Variants in VTI1A observed in about 807,000 individuals in gnomAD.
The protein encoded by VTI1A is vesicle transport through interaction with t-SNAREs 1A.
In VTI1A, 22 loss-of-function variants were observed where a neutral mutation model predicts 34.9. The observed-to-expected ratio is 0.63, with a 90% CI of 0.45 to 0.90. The LOEUF (loss-of-function observed/expected upper bound fraction) is 0.90. VTI1A is among the 40% of genes least tolerant of loss of function. The pLI, the probability that VTI1A is intolerant of heterozygous loss-of-function variation, is 0.00. For synonymous variants in VTI1A, 87 were observed against 97.3 expected (o/e 0.89, Z 0.62); for missense variants, 268 against 275.6 (o/e 0.97, Z 0.20).
At chr10:112,519,274 G>T (rs73365032) in intron 3 of VTI1A, among the ~76,000 whole-genome samples, 212 of 152,214 alleles carry the variant, frequency 1.4e-3, no homozygotes, top group African/African-American at 5.0e-3. Context: ...AGCTGGTGCG[G>T]CTCCTCTCTG....
At chr10:112,552,082 A>C (rs1200035887) in intron 5 of VTI1A, among the ~76,000 whole-genome samples, 1 of 152,168 alleles carries the variant, frequency 6.6e-6, no homozygotes, top group East Asian at 1.9e-4. Flanking sequence ...GGTAATTGTT[A>C]ATGTATTATG....
chr10:112,474,280 C>T (rs1022156838), intron 3 of VTI1A, among the ~76,000 whole-genome samples: 2 of 151,986 alleles, frequency 1.3e-5, no homozygotes, highest in Non-Finnish European at 2.9e-5. Flanking sequence ...GTCTCGATCT[C>T]CTGACCTTGT....
chr10:112,567,841 T>C (rs1021685679), intron 5 of VTI1A, among the ~76,000 whole-genome samples: 1 of 152,222 alleles, frequency 6.6e-6, no homozygotes, highest in Admixed American at 6.5e-5. Flanking sequence ...GTAATGACCT[T>C]AGATTATTTG....
At chr10:112,664,930 T>C (rs1847589167) in intron 5 of VTI1A, among the ~76,000 whole-genome samples, 1 of 152,216 alleles carries the variant, frequency 6.6e-6, no homozygotes, top group African/African-American at 2.4e-5. Flanking sequence ...CTTCCCATTG[T>C]TTCTTAATCT....
intron 5 of VTI1A, among the ~76,000 whole-genome samples, chr10:112,562,377 AAAGT>A (rs1441189853): frequency 6.6e-6 from 1 of 152,106 alleles, no homozygotes; most frequent in East Asian, 1.9e-4. Context: ...TTTATTTCTG[AAAGT>A]AAGTATGAAA....
chr10:112,815,244 C>A, intron 7 of VTI1A, 46 bp from the exon 8 acceptor site: 2 of 1,495,442 alleles, frequency 1.3e-6, no homozygotes, highest in East Asian at 2.4e-5. Flanking sequence ...TGTGGGAAGG[C>A]CTTCCACTTA....
chr10:112,813,925 A>G lies in VTI1A; in HGVS notation c.561-1365A>G, dbSNP rs540223161. 2.0e-5 allele frequency among the ~76,000 whole-genome samples: 3 copies of G among 152,262 alleles called. No homozygotes were observed. The South Asian group carries it at 6.2e-4, about 32-fold the overall frequency. On this transcript the variant is annotated intron_variant, in intron 7 of 7. Coordinates refer to ENST00000393077, the MANE Select transcript of VTI1A (RefSeq NM_145206.4). Reference sequence around the variant, plus strand: ...TGCGGAAGACGTGTCAGCAAATGTGATCATTTTGTTACCTGTCAGGAGGAG... The same window carrying G: ...TGCGGAAGACGTGTCAGCAAATGTGGTCATTTTGTTACCTGTCAGGAGGAG...
At chr10:112,581,242 C>T (rs1009712355) in intron 5 of VTI1A, among the ~76,000 whole-genome samples, 2 of 152,198 alleles carry the variant, frequency 1.3e-5, no homozygotes, top group Non-Finnish European at 2.9e-5. Flanking sequence ...CTGCATAGCC[C>T]TTTCTTTCAG....
At position 112,741,519 on chromosome 10, in the gene VTI1A, A is replaced by G. The variant is rs561128687; in HGVS notation, c.560+72521A>G. ...TGAAAGTCTTCTAAAATTGATATTGATGATGATTGTACAACTCAGTGAACA... is the reference window on the plus strand; with the variant it reads ...TGAAAGTCTTCTAAAATTGATATTGGTGATGATTGTACAACTCAGTGAACA... On this transcript the variant is annotated intron_variant, in intron 7 of 7. Coordinates refer to ENST00000393077, the MANE Select transcript of VTI1A (RefSeq NM_145206.4). Among the ~76,000 whole-genome samples, 3 of 152,318 alleles carry G rather than the reference A, an allele frequency of 2.0e-5. No homozygotes were observed. The East Asian group carries it at 5.8e-4, about 29-fold the overall frequency.
chr10:112,803,692 G>T (rs1342541803), intron 7 of VTI1A, among the ~76,000 whole-genome samples: 2 of 152,196 alleles, frequency 1.3e-5, no homozygotes, highest in East Asian at 1.9e-4. Context: ...CTTGAGCCCA[G>T]GAGGTGAAGG....
At chr10:112,504,137 A>G (rs1849338619) in intron 3 of VTI1A, among the ~76,000 whole-genome samples, 1 of 152,172 alleles carries the variant, frequency 6.6e-6, no homozygotes, top group African/African-American at 2.4e-5. Context: ...AAACTTACCT[A>G]GAAGATGCTA....
At chr10:112,708,863 A>C (rs940793060) in intron 7 of VTI1A, among the ~76,000 whole-genome samples, 11 of 152,210 alleles carry the variant, frequency 7.2e-5, no homozygotes, top group African/African-American at 2.7e-4. Context: ...GACAGTAAAT[A>C]GTCTCCTAAA....
chr10:112,775,543 A>G (rs79272970), intron 7 of VTI1A, among the ~76,000 whole-genome samples: 22,282 of 152,196 alleles, frequency 0.15, 2,947 homozygotes, highest in African/African-American at 0.34. Flanking sequence ...CTGCTGCATT[A>G]CAAGTAGGAT....
intron 7 of VTI1A, among the ~76,000 whole-genome samples, chr10:112,728,216 A>G (rs1489501848): frequency 2.0e-5 from 3 of 151,198 alleles, no homozygotes; most frequent in Non-Finnish European, 4.4e-5. Flanking sequence ...GAGTGGATTC[A>G]GAAACATTAT....
At chr10:112,765,081 A>G (rs1308980392) in intron 7 of VTI1A, among the ~76,000 whole-genome samples, 1 of 152,236 alleles carries the variant, frequency 6.6e-6, no homozygotes, top group African/African-American at 2.4e-5. Flanking sequence ...TAACTTGAGA[A>G]GTGAAAGGGA....
intron 5 of VTI1A, among the ~76,000 whole-genome samples, chr10:112,611,378 A>G (rs1001138109): frequency 6.6e-6 from 1 of 152,208 alleles, no homozygotes; most frequent in Admixed American, 6.5e-5. Flanking sequence ...TTTTGGAAGG[A>G]TTAGAAGTTC....
chr10:112,503,081 A>T (rs754318124), intron 3 of VTI1A, among the ~76,000 whole-genome samples: 1 of 152,112 alleles, frequency 6.6e-6, no homozygotes, highest in Non-Finnish European at 1.5e-5. Flanking sequence ...GGGACTTGGG[A>T]TGTCCATCAC....
intron 5 of VTI1A, among the ~76,000 whole-genome samples, chr10:112,597,799 G>A (rs1835658560): frequency 7.0e-6 from 1 of 143,362 alleles, no homozygotes; most frequent in Non-Finnish European, 1.5e-5. Context: ...CCGGGTTCAC[G>A]CCATTCTCCT....
At chr10:112,648,218 A>G (rs1846877868) in intron 5 of VTI1A, among the ~76,000 whole-genome samples, 1 of 152,208 alleles carries the variant, frequency 6.6e-6, no homozygotes, top group Non-Finnish European at 1.5e-5. Flanking sequence ...AAAATTTAAG[A>G]AGTCAGAAAT....
Sources: gnomAD v4.1 joint callset for allele counts (sites outside exome capture counted in the v4.1 genomes callset) on GRCh38, gnomAD v4.1.1 for gene constraint, MANE v1.5 for transcripts, NCBI Gene and HGNC (gene_info 2026-07-23, HGNC 2026-07-21) for gene names.